Variants in FOXP1 observed in about 807,000 individuals in gnomAD.
The protein encoded by FOXP1 is forkhead box P1.
FOXP1 carries 15 observed loss-of-function variants against 98.2 expected under a neutral mutation model. The observed-to-expected ratio is 0.15, with a 90% CI of 0.10 to 0.24. The LOEUF is 0.24. FOXP1 is among the 10% of genes least tolerant of loss of function. The pLI is 1.00. For missense variants in FOXP1, 633 were observed against 848.5 expected, an observed-to-expected ratio of 0.75 and a Z score of 3.15; for synonymous variants, 371 against 314.5, an observed-to-expected ratio of 1.18 and a Z score of -1.90.
intron 10 of FOXP1, among the ~76,000 whole-genome samples, chr3:71,045,382 A>C (rs1026926417): frequency 1.3e-5 from 2 of 152,204 alleles, no homozygotes; most frequent in Non-Finnish European, 2.9e-5. Context: ...TAACTGATGT[A>C]CTATAACAAT....
chr3:71,501,942 G>C (rs555263479), intron 2 of FOXP1, among the ~76,000 whole-genome samples: 12 of 152,290 alleles, frequency 7.9e-5, no homozygotes, highest in Admixed American at 4.6e-4. Flanking sequence ...CAGCAAGGCA[G>C]GGTCTGGGAT....
intron 2 of FOXP1, among the ~76,000 whole-genome samples, chr3:71,520,866 G>A (rs948922202): frequency 2.6e-5 from 4 of 152,162 alleles, no homozygotes; most frequent in Non-Finnish European, 4.4e-5. Flanking sequence ...AGAACAAAAG[G>A]ATGACCTAAC....
intron 19 of FOXP1, among the ~76,000 whole-genome samples, chr3:70,967,645 GTTTT>G (rs905310255): frequency 8.7e-5 from 5 of 57,562 alleles, no homozygotes; most frequent in African/African-American, 1.9e-4. Flanking sequence ...CTTTCTTTTT[GTTTT>G]TTTTTTGGCA....
intron 6 of FOXP1, among the ~76,000 whole-genome samples, chr3:71,171,068 C>T (rs1214860355): frequency 6.6e-6 from 1 of 151,334 alleles, no homozygotes; most frequent in East Asian, 1.9e-4. Context: ...TCCATCCAGC[C>T]TTCCATCCAT....
chr3:70,988,545 G>T (rs987297856), intron 13 of FOXP1, among the ~76,000 whole-genome samples: 1 of 152,244 alleles, frequency 6.6e-6, no homozygotes, highest in African/African-American at 2.4e-5. Context: ...GCTGGCAAAT[G>T]ATATTAGCAG....
intron 2 of FOXP1, among the ~76,000 whole-genome samples, chr3:71,535,701 G>A (rs1000978237): frequency 1.3e-5 from 2 of 152,178 alleles, no homozygotes; most frequent in African/African-American, 4.8e-5. Context: ...TCCAGACTGG[G>A]TGACAGAGGG....
intron 5 of FOXP1, among the ~76,000 whole-genome samples, chr3:71,227,715 A>T (rs893986083): frequency 2.6e-5 from 4 of 151,412 alleles, no homozygotes; most frequent in African/African-American, 9.8e-5. Context: ...AATGGTTACC[A>T]TCATGCTCAA....
chr3:71,331,745 C>T (rs866254455), intron 4 of FOXP1, among the ~76,000 whole-genome samples: 3 of 151,330 alleles, frequency 2.0e-5, no homozygotes, highest in African/African-American at 7.3e-5. Context: ...ACTTGGAGAA[C>T]CTTTATGTCT....
chr3:71,186,897 G>C (rs1178923190), intron 6 of FOXP1, among the ~76,000 whole-genome samples: 1 of 152,256 alleles, frequency 6.6e-6, no homozygotes, highest in Non-Finnish European at 1.5e-5. Context: ...TTTCTGCAGA[G>C]TGTCAGATTA....
chr3:71,059,211 A>G (rs1272131302), intron 7 of FOXP1, among the ~76,000 whole-genome samples: 2 of 152,194 alleles, frequency 1.3e-5, no homozygotes, highest in Non-Finnish European at 2.9e-5. Flanking sequence ...TCACAAAAAA[A>G]TTGTAAGGCC....
chr3:71,312,407 C>A (rs566353661), intron 4 of FOXP1, among the ~76,000 whole-genome samples: 3 of 152,122 alleles, frequency 2.0e-5, no homozygotes. Flanking sequence ...GTGTTCACTA[C>A]GAAGAATTCA....
chr3:71,173,942 T>C (rs1421660519), intron 6 of FOXP1, among the ~76,000 whole-genome samples: 3 of 152,152 alleles, frequency 2.0e-5, no homozygotes, highest in Non-Finnish European at 4.4e-5. Context: ...AAAATAAAGT[T>C]ACCAATCTTA....
At chr3:71,297,815 C>CAGGTTTCACT (rs1343276472) in intron 5 of FOXP1, among the ~76,000 whole-genome samples, 15 of 151,762 alleles carry the variant, frequency 9.9e-5, no homozygotes, top group Admixed American at 6.6e-5. Context: ...GGGGTTTCAC[C>CAGGTTTCACT]AGGTTGGTCT....
chr3:71,009,078 GA>G (rs777943014), intron 12 of FOXP1, among the ~76,000 whole-genome samples: 74 of 136,700 alleles, frequency 5.4e-4, no homozygotes, highest in Non-Finnish European at 8.6e-4. Context: ...CCCTTAGTCT[GA>G]ACCCTAAAAA....
chr3:71,163,360 T>C (rs1348219625), intron 6 of FOXP1, among the ~76,000 whole-genome samples: 1 of 152,184 alleles, frequency 6.6e-6, no homozygotes, highest in East Asian at 1.9e-4. Flanking sequence ...TTTATTGCTG[T>C]GAATTCTGGT....
In FOXP1 at chr3:71,419,812, T is replaced by A. The variant is rs183382222; in HGVS notation, c.-167-60568A>T. ...ACATTTTAGGAGCTAGGTATTTTTT[T>A]TTATTATTATTATTATTTTGAGACA... On this transcript the variant is annotated intron_variant, in intron 3 of 20. Transcript: ENST00000649528. 7.2e-4 allele frequency among the ~76,000 whole-genome samples: 109 copies of A among 152,054 alleles called. 1 individual carries two copies. In the East Asian group the frequency reaches 0.011, roughly 16 times the overall value.
At chr3:71,063,743 G>C (rs944894272) in intron 7 of FOXP1, among the ~76,000 whole-genome samples, 2 of 152,140 alleles carry the variant, frequency 1.3e-5, no homozygotes, top group African/African-American at 4.8e-5. Context: ...GAAATGAGGT[G>C]ATTTGCATTT....
chr3:71,416,314 T>G (rs994547771), intron 3 of FOXP1, among the ~76,000 whole-genome samples: 7 of 151,618 alleles, frequency 4.6e-5, no homozygotes, highest in Non-Finnish European at 1.0e-4. Context: ...GGCAGGAGGG[T>G]TGCTTGAGGC....
At chr3:71,380,964 C>G (rs945440498) in intron 3 of FOXP1, among the ~76,000 whole-genome samples, 3 of 151,888 alleles carry the variant, frequency 2.0e-5, no homozygotes, top group African/African-American at 7.3e-5. Context: ...CTTACCATAT[C>G]TGGAAAAAAA....
Sources: gnomAD v4.1 joint callset for allele counts (sites outside exome capture counted in the v4.1 genomes callset) on GRCh38, gnomAD v4.1.1 for gene constraint, MANE v1.5 for transcripts, NCBI Gene and HGNC (gene_info 2026-07-23, HGNC 2026-07-21) for gene names.